CACYBP: variants seen among roughly 807,000 people sequenced by gnomAD.
The protein encoded by CACYBP is calcyclin-binding protein.
A neutral mutation model predicts 29.6 loss-of-function variants in CACYBP; 11 were observed. The ratio of observed to expected loss-of-function variants is 0.37; its 90% CI spans 0.23 to 0.61. The LOEUF (loss-of-function observed/expected upper bound fraction) is 0.61. Ranked by LOEUF, CACYBP falls within the 20% of genes least tolerant of loss-of-function variation. The pLI, the probability that CACYBP is intolerant of heterozygous loss-of-function variation, is 0.65. For synonymous variants in CACYBP, 73 were observed against 88.3 expected (o/e 0.83, Z 0.97); for missense variants, 163 against 260.7 (o/e 0.63, Z 2.58).
intron 2 of CACYBP, chr1:175,005,123 TG>T (rs1204718927): frequency 5.2e-6 from 2 of 385,472 alleles, no homozygotes; most frequent in African/African-American, 2.0e-5. Context: ...GTGGTGGTGG[TG>T]GTTTTTAATC....
Position 175,011,596 on chromosome 1 carries a change from T to C in CACYBP, c.*1517T>C, listed in dbSNP as rs1373888005. The C allele has an allele frequency of 1.3e-5, 2 of 152,190 alleles. No individual in the cohort carries two copies. The highest frequency in any genetic ancestry group is 2.9e-5 in the Non-Finnish European group (2 of 68,034). The allele number at this position is 152,190 out of a possible 1,614,324, so 9.4% of individuals were successfully genotyped here. Reference sequence around the variant, plus strand: ...ACCATAACCCAAGGCAAACAATGTATTGACAGGATTCCAATAATTAAGAAT... The same window carrying C: ...ACCATAACCCAAGGCAAACAATGTACTGACAGGATTCCAATAATTAAGAAT... On this transcript the variant is annotated 3_prime_UTR_variant, in exon 6 of 6. Transcript: ENST00000367679.
intron 5 of CACYBP, 99 bp from the exon 6 acceptor site, chr1:175,009,824 C>A: frequency 3.4e-6 from 3 of 875,300 alleles, no homozygotes; most frequent in Non-Finnish European, 5.3e-6. Flanking sequence ...CTCTGTCTTC[C>A]TTCTTATCCC....
chr1:175,009,821 T>A, intron 5 of CACYBP, 102 bp from the exon 6 acceptor site: 1 of 850,770 alleles, frequency 1.2e-6, no homozygotes, highest in East Asian at 2.5e-5. Flanking sequence ...GTACTCTGTC[T>A]TCCTTCTTAT....
At chr1:175,000,385 T>A in intron 1 of CACYBP, 190 bp downstream of exon 1, 1 of 1,418,606 alleles carries the variant, frequency 7.0e-7, no homozygotes, top group South Asian at 1.5e-5. Flanking sequence ...GCGCTTCCAC[T>A]CGACCTCGCA....
At chr1:175,008,397 C>T (rs1672668511) in intron 4 of CACYBP, among the ~76,000 whole-genome samples, 1 of 152,112 alleles carries the variant, frequency 6.6e-6, no homozygotes, top group South Asian at 2.1e-4. Context: ...TAGCACTTTC[C>T]AGGATATCAG....
chr1:175,000,046 T>TCGGTGTGGGCGCAGGCTGCAG lies in CACYBP; in HGVS notation c.-132_-112dup. The TCGGTGTGGGCGCAGGCTGCAG allele has an allele frequency of 5.5e-6, 7 of 1,264,234 alleles. No homozygotes were observed. The highest frequency in any genetic ancestry group is 7.8e-6 in the Non-Finnish European group (7 of 891,872). 78.3% of individuals were successfully genotyped at this position (1,264,234 alleles called of 1,614,324 possible). A position where few individuals can be genotyped will look rare whatever the true frequency, so the allele number is the denominator to read the frequency against. On this transcript the variant is annotated 5_prime_UTR_variant, in exon 1 of 6. Transcript: ENST00000367679. ...AGGCGGGCCGCGATCTTGCGCAGGG[T>TCGGTGTGGGCGCAGGCTGCAG]CGGTGTGGGCGCAGGCTGCAGCGCC... is the stretch of plus-strand genomic sequence containing the variant.
In CACYBP at chr1:175,000,083, G is replaced by A; in HGVS notation, c.-98G>A. The A allele has an allele frequency of 6.7e-7, 1 of 1,491,736 alleles. No homozygotes were observed. The highest frequency in any genetic ancestry group is 1.2e-5 in the South Asian group (1 of 83,070). The allele number at this position is 1,491,736 out of a possible 1,614,324, so 92.4% of individuals were successfully genotyped here. A position where few individuals can be genotyped will look rare whatever the true frequency, so the allele number is the denominator to read the frequency against. On this transcript the variant is annotated 5_prime_UTR_variant, in exon 1 of 6. Transcript: ENST00000367679. ...CAGGCTGCAGCGCCGCGACTCGTGC[G>A]GGTAGGCGTCTGCGCTCGGTTTGAG... is the stretch of plus-strand genomic sequence containing the variant.
chr1:175,005,330 T>G (rs750398790), intron 2 of CACYBP, among the ~76,000 whole-genome samples: 4 of 152,196 alleles, frequency 2.6e-5, no homozygotes, highest in Non-Finnish European at 5.9e-5. Flanking sequence ...TATAACAATG[T>G]AGTAATACTG....
chr1:175,009,721 C>T (rs1005766782), intron 5 of CACYBP, among the ~76,000 whole-genome samples: 2 of 150,146 alleles, frequency 1.3e-5, no homozygotes, highest in African/African-American at 2.4e-5. Flanking sequence ...TGACCTCTTT[C>T]GTGCACCAAG....
intron 1 of CACYBP, chr1:175,000,702 G>T (rs991805747): frequency 6.0e-5 from 42 of 703,122 alleles, no homozygotes; most frequent in Non-Finnish European, 7.0e-5. Flanking sequence ...CTGTGTCGCA[G>T]TAGCATCCAT....
chr1:175,009,643 C>CAAAA (rs67446162), intron 5 of CACYBP, among the ~76,000 whole-genome samples: 86 of 100,392 alleles, frequency 8.6e-4, no homozygotes, highest in African/African-American at 2.2e-3. Flanking sequence ...AGGACTGTCT[C>CAAAA]AAAAAAAAAA....
At chr1:175,000,376 C>A (rs1338918380) in intron 1 of CACYBP, 181 bp downstream of exon 1, 2 of 1,423,000 alleles carry the variant, frequency 1.4e-6, no homozygotes, top group Non-Finnish European at 1.8e-6. Flanking sequence ...GGCTCCCCAG[C>A]GCTTCCACTC....
At chr1:175,002,166 A>G (rs1672508493) in intron 1 of CACYBP, among the ~76,000 whole-genome samples, 1 of 152,128 alleles carries the variant, frequency 6.6e-6, no homozygotes, top group African/African-American at 2.4e-5. Flanking sequence ...ACTGGTTCAT[A>G]TGGTAACTTT....
chr1:175,008,559 C>T (rs369805680), intron 4 of CACYBP, 50 bp from the exon 5 acceptor site: 7 of 836,940 alleles, frequency 8.4e-6, no homozygotes, highest in East Asian at 4.9e-5. Flanking sequence ...AATATTCATG[C>T]TTATCTCCAT....
In CACYBP at chr1:175,010,809, T is replaced by G. The variant is rs563608721; in HGVS notation, c.*730T>G. 6.6e-6 allele frequency: 1 copy of G among 152,270 alleles called. No homozygotes were observed. The highest frequency in any genetic ancestry group is 2.1e-4 in the South Asian group (1 of 4,826). 9.4% of individuals were successfully genotyped at this position (152,270 alleles called of 1,614,324 possible). A position where few individuals can be genotyped will look rare whatever the true frequency, so the allele number is the denominator to read the frequency against. ...TTAAGTTTTTCTTCATTAGAACAGT[T>G]TTATGATTTATTTGTCTAGGAGTAT... On this transcript the variant is annotated 3_prime_UTR_variant, in exon 6 of 6. Coordinates refer to ENST00000367679, the MANE Select transcript of CACYBP (RefSeq NM_014412.3).
chr1:174,999,681 C>T (rs1672409457), upstream of CACYBP: 2 of 239,944 alleles, frequency 8.3e-6, no homozygotes, highest in Non-Finnish European at 1.6e-5. Flanking sequence ...ACTTGGACTC[C>T]GAAGATCGGT....
rs41266070 is a variant in CACYBP at position 175,009,896 on chromosome 1, A to G, written c.531-27A>G. 7.1e-3 allele frequency: 11,293 copies of G among 1,581,924 alleles called. 69 individuals carry two copies. Among genetic ancestry groups the G allele is most frequent in the Non-Finnish European group, 8.4e-3 (9,726 of 1,162,666 alleles). ...TATCTTCCGGTGCTTTCGTTTCCCC[A>G]TTGTTGTATATGTTTTCTTTTTAAA... On this transcript the variant is annotated intron_variant, in intron 5 of 5. Transcript: ENST00000367679.
chr1:175,006,311 C>G (rs1224847051), intron 2 of CACYBP, among the ~76,000 whole-genome samples: 1 of 152,158 alleles, frequency 6.6e-6, no homozygotes, highest in African/African-American at 2.4e-5. Flanking sequence ...ATTTGTTTGA[C>G]TACTTACAGA....
At chr1:175,004,065 G>A (rs1301001419) in intron 1 of CACYBP, among the ~76,000 whole-genome samples, 1 of 151,116 alleles carries the variant, frequency 6.6e-6, no homozygotes, top group Non-Finnish European at 1.5e-5. Context: ...TTTATCTTTT[G>A]TCTTAAAAAT....
Sources: allele counts gnomAD v4.1 joint callset (sites outside exome capture counted in the v4.1 genomes callset), GRCh38; gene constraint gnomAD v4.1.1; transcripts MANE v1.5; gene names NCBI Gene and HGNC (gene_info 2026-07-23, HGNC 2026-07-21).